CCNY: variants seen among roughly 807,000 people sequenced by gnomAD.
The protein encoded by CCNY is cyclin Y.
Under a neutral mutation model 42.8 loss-of-function variants are expected in CCNY, and 19 were observed. The ratio of observed to expected loss-of-function variants is 0.44; its 90% CI spans 0.31 to 0.65. The LOEUF is 0.65. Ranked by LOEUF, CCNY falls within the 30% of genes least tolerant of loss-of-function variation. The pLI is 0.07. For synonymous variants in CCNY, 165 were observed against 162.7 expected (o/e 1.01, Z -0.11); for missense variants, 370 against 437.3 (o/e 0.85, Z 1.37).
At chr10:35,446,923 T>C (rs1199050316) in intron 1 of CCNY, among the ~76,000 whole-genome samples, 1 of 152,244 alleles carries the variant, frequency 6.6e-6, no homozygotes, top group African/African-American at 2.4e-5. Context: ...TCTAATGTAA[T>C]TTTTAGATAA....
At chr10:35,568,832 T>C (rs994863212) in intron 9 of CCNY, among the ~76,000 whole-genome samples, 24 of 152,262 alleles carry the variant, frequency 1.6e-4, no homozygotes, top group African/African-American at 5.8e-4. Flanking sequence ...TTTCACATCC[T>C]GAGAGTCTTT....
chr10:35,566,347 T>A, intron 9 of CCNY, 162 bp downstream of exon 9: 1 of 765,296 alleles, frequency 1.3e-6, no homozygotes, highest in Non-Finnish European at 2.0e-6. Context: ...TGATTTGTTC[T>A]GCTTCTTTTT....
At chr10:35,447,146 G>A (rs968312719) in intron 1 of CCNY, among the ~76,000 whole-genome samples, 2 of 152,288 alleles carry the variant, frequency 1.3e-5, no homozygotes, top group African/African-American at 2.4e-5. Context: ...ATGTGGTGGC[G>A]GGCGCCTGTA....
chr10:35,450,541 T>C (rs542251940), intron 1 of CCNY, among the ~76,000 whole-genome samples: 1 of 152,148 alleles, frequency 6.6e-6, no homozygotes, highest in African/African-American at 2.4e-5. Context: ...CAAGTGGGGA[T>C]AAAGCGTTTC....
At chr10:35,362,612 A>T (rs1836710441) in intron 1 of CCNY, among the ~76,000 whole-genome samples, 1 of 152,162 alleles carries the variant, frequency 6.6e-6, no homozygotes, top group African/African-American at 2.4e-5. Flanking sequence ...TAAAACTTTT[A>T]ATTAAAAAGT....
Position 35,530,201 on chromosome 10 carries a change from C to G in CCNY, c.537C>G (p.Phe179Leu). ...TTTACCGGTTCGTTCGGACACTGTT[C>G]AGTGCTGCTCAGCTGACGGCTGAAT... ...KQIYRFVRTL[F>L]SAAQLTAECA... Residue 179 changes from phenylalanine to leucine, a missense_variant, in exon 7 of 10, where the codon TTC (phenylalanine) becomes TTG (leucine). Transcript: ENST00000374704. The surrounding 1 kb of genome is among the most constrained non-coding windows in gnomAD (Gnocchi z 4.3). 3 of 1,614,206 alleles carry G rather than the reference C, an allele frequency of 1.9e-6. No homozygotes were observed. The highest frequency in any genetic ancestry group is 2.5e-6 in the Non-Finnish European group (3 of 1,180,016).
At chr10:35,455,057 A>G (rs1171061030) in intron 1 of CCNY, among the ~76,000 whole-genome samples, 1 of 152,226 alleles carries the variant, frequency 6.6e-6, no homozygotes, top group African/African-American at 2.4e-5. Flanking sequence ...ATTGTGGAAG[A>G]AAATACTGCC....
intron 1 of CCNY, among the ~76,000 whole-genome samples, chr10:35,357,985 T>G (rs566647686): frequency 7.5e-4 from 114 of 152,298 alleles, no homozygotes; most frequent in African/African-American, 2.7e-3. Flanking sequence ...CAAACTGGTT[T>G]CTTTTCAAGC....
At chr10:35,343,098 G>A (rs544460594) in intron 1 of CCNY, among the ~76,000 whole-genome samples, 1 of 150,502 alleles carries the variant, frequency 6.6e-6, no homozygotes, top group Non-Finnish European at 1.5e-5. Flanking sequence ...TGCCTCCCAG[G>A]CTCAAGTAAT....
chr10:35,424,492 C>CT (rs1838224744), intron 1 of CCNY, among the ~76,000 whole-genome samples: 1 of 152,242 alleles, frequency 6.6e-6, no homozygotes, highest in Non-Finnish European at 1.5e-5. Context: ...TCCCAAAGTG[C>CT]TGGGATTACA....
chr10:35,538,702 A>G (rs906186534), intron 7 of CCNY, among the ~76,000 whole-genome samples: 1 of 152,248 alleles, frequency 6.6e-6, no homozygotes, highest in Non-Finnish European at 1.5e-5. Flanking sequence ...TGTTCTGGAT[A>G]CAAGTCCTTT....
chr10:35,455,523 G>GC (rs1315302311), intron 1 of CCNY: 2 of 152,210 alleles, frequency 1.3e-5, no homozygotes, highest in African/African-American at 4.8e-5. Flanking sequence ...AATGGCCTTG[G>GC]GACCTGGGGC....
chr10:35,363,312 G>T (rs1330226688), intron 1 of CCNY, among the ~76,000 whole-genome samples: 1 of 151,744 alleles, frequency 6.6e-6, no homozygotes, highest in Admixed American at 6.6e-5. Context: ...CGGTTGGGGG[G>T]CCGGGCAGAG....
intron 1 of CCNY, among the ~76,000 whole-genome samples, chr10:35,446,840 C>T (rs1838800443): frequency 6.6e-6 from 1 of 152,206 alleles, no homozygotes; most frequent in Non-Finnish European, 1.5e-5. Context: ...AGCAATTTGT[C>T]TCTTCATTCC....
chr10:35,378,183 A>G (rs746424856), intron 1 of CCNY, among the ~76,000 whole-genome samples: 1 of 152,212 alleles, frequency 6.6e-6, no homozygotes, highest in African/African-American at 2.4e-5. Context: ...CATTTGGGAA[A>G]GTATTGGTTC....
At chr10:35,368,887 G>C (rs924469852) in intron 1 of CCNY, among the ~76,000 whole-genome samples, 4 of 152,124 alleles carry the variant, frequency 2.6e-5, no homozygotes, top group Non-Finnish European at 5.9e-5. Context: ...GGCTGGGAGG[G>C]TGGGGCTGGG....
chr10:35,371,531 C>T (rs1295950680), intron 1 of CCNY, among the ~76,000 whole-genome samples: 3 of 152,204 alleles, frequency 2.0e-5, no homozygotes, highest in South Asian at 2.1e-4. Flanking sequence ...ATCTCACCTC[C>T]ACCTGCCTTT....
intron 3 of CCNY, among the ~76,000 whole-genome samples, chr10:35,297,124 CT>C (rs1407727470): frequency 2.6e-5 from 4 of 151,124 alleles, no homozygotes; most frequent in Non-Finnish European, 5.9e-5. Flanking sequence ...GACTTTACCC[CT>C]GGGATGCAAG....
intron 1 of CCNY, among the ~76,000 whole-genome samples, chr10:35,379,823 G>C (rs1837138967): frequency 6.6e-6 from 1 of 152,140 alleles, no homozygotes; most frequent in South Asian, 2.1e-4. Flanking sequence ...CCTGAGAGTT[G>C]TTGGGAGGAA....
Sources: gnomAD v4.1 joint callset for allele counts (sites outside exome capture counted in the v4.1 genomes callset) on GRCh38, gnomAD v4.1.1 for gene constraint, Gnocchi (gnomAD v3.1) non-coding constraint, MANE v1.5 for transcripts, NCBI Gene and HGNC (gene_info 2026-07-23, HGNC 2026-07-21) for gene names.